INSYN2B: variants seen among roughly 807,000 people sequenced by gnomAD.
INSYN2B encodes inhibitory synaptic factor family member 2B.
Under a neutral mutation model 41.2 loss-of-function variants are expected in INSYN2B, and 16 were observed. The observed-to-expected ratio is 0.39, with a 90% CI of 0.26 to 0.59. The LOEUF is 0.59. INSYN2B is among the 20% of genes least tolerant of loss of function. INSYN2B has a pLI of 0.57. For synonymous variants in INSYN2B, 245 were observed against 244.4 expected (o/e 1.00, Z -0.02); for missense variants, 608 against 646.4 (o/e 0.94, Z 0.64).
At chr5:169,874,437 T>TTGG (rs1772186861) in intron 3 of INSYN2B, among the ~76,000 whole-genome samples, 1 of 133,310 alleles carries the variant, frequency 7.5e-6, no homozygotes, top group South Asian at 2.4e-4. Flanking sequence ...AAAAAAGCAA[T>TTGG]TGGTGGTCTG....
At chr5:169,908,735 G>A (rs1317270588) in intron 1 of INSYN2B, among the ~76,000 whole-genome samples, 7 of 102,840 alleles carry the variant, frequency 6.8e-5, no homozygotes, top group Admixed American at 3.9e-4. Flanking sequence ...TTTTTTTTGA[G>A]ACCGAGTCTC....
At chr5:169,866,380 G>T (rs1404488441) in intron 3 of INSYN2B, among the ~76,000 whole-genome samples, 1 of 152,234 alleles carries the variant, frequency 6.6e-6, no homozygotes, top group African/African-American at 2.4e-5. Context: ...TCTTGGGGAA[G>T]TCATTTCCCA....
Position 169,861,387 on chromosome 5 carries a change from C to T in INSYN2B, c.*2886G>A, listed in dbSNP as rs929829661. On this transcript the variant is annotated 3_prime_UTR_variant, in exon 4 of 4. Coordinates refer to ENST00000377365, the MANE Select transcript of INSYN2B (RefSeq NM_001129891.3). ...AAATTTACAAAACCTTACATCAGTACATCGTCTTTAAGAAGGTGCTCTATA... is the reference window on the plus strand; with the variant it reads ...AAATTTACAAAACCTTACATCAGTATATCGTCTTTAAGAAGGTGCTCTATA... Among the ~76,000 whole-genome samples the T allele has an allele frequency of 6.6e-6, 1 of 152,186 alleles. No individual in the cohort carries two copies. Among genetic ancestry groups the T allele is most frequent in the African/African-American group, 2.4e-5 (1 of 41,444 alleles).
intron 1 of INSYN2B, among the ~76,000 whole-genome samples, chr5:169,951,033 C>T (rs1776642395): frequency 6.6e-6 from 1 of 152,240 alleles, no homozygotes; most frequent in Admixed American, 6.5e-5. Flanking sequence ...TAGCCAGCGT[C>T]ACCGGTCCTG....
chr5:169,906,464 A>T (rs1226865053), intron 1 of INSYN2B, among the ~76,000 whole-genome samples: 1 of 152,056 alleles, frequency 6.6e-6, no homozygotes, highest in Non-Finnish European at 1.5e-5. Context: ...TTAGATTTTT[A>T]AAATTTATTT....
rs1042332901 is a variant in INSYN2B, at chr5:169,883,629, C to T, written c.270G>A (p.Gly90=). 3.9e-6 allele frequency: 6 copies of T among 1,551,454 alleles called. No homozygotes were observed. The highest frequency in any genetic ancestry group is 5.2e-6 in the Non-Finnish European group (6 of 1,146,850). ...TTTGGATTGCAATGTTGCGAAAGCC[C>T]CCTGCCTTCTGGGACCTGGGGAAGG... ...SLSFPRSQKA[G]GFRNIAIQTS... is the part of the protein sequence containing the mutation. The change falls in exon 2 of 4, where the codon GGG becomes GGA. Residue 90 remains glycine, a synonymous_variant. Transcript: ENST00000377365.
chr5:169,939,567 T>A (rs1488799785), intron 1 of INSYN2B, among the ~76,000 whole-genome samples: 1 of 152,220 alleles, frequency 6.6e-6, no homozygotes, highest in Non-Finnish European at 1.5e-5. Context: ...TGTGCTGTAC[T>A]TTTATATGAC....
rs1247975943 is a variant in INSYN2B at position 169,980,482 on chromosome 5, TGAAAA to T, written c.-1129_-1125del. ...AACAAACTGCTCGGCAGCTACCATG[TGAAAA>T]GAAAAGACCTCTAGTGGCCACAGGC... On this transcript the variant is annotated 5_prime_UTR_variant, in exon 1 of 4. Coordinates refer to ENST00000377365, the MANE Select transcript of INSYN2B (RefSeq NM_001129891.3). 1 of 151,988 alleles carries T rather than the reference TGAAAA, an allele frequency of 6.6e-6. No individual in the cohort carries two copies. The highest frequency in any genetic ancestry group is 1.9e-4 in the East Asian group (1 of 5,174). 9.4% of individuals were successfully genotyped at this position (151,988 alleles called of 1,614,324 possible). A position where few individuals can be genotyped will look rare whatever the true frequency, so the allele number is the denominator to read the frequency against.
chr5:169,894,059 G>C (rs942919879), intron 1 of INSYN2B, among the ~76,000 whole-genome samples: 15 of 152,182 alleles, frequency 9.9e-5, no homozygotes, highest in African/African-American at 3.6e-4. Context: ...ACTAGTCGTT[G>C]TACTAAAAAC....
At chr5:169,892,645 C>T (rs1773363516) in intron 1 of INSYN2B, among the ~76,000 whole-genome samples, 1 of 152,232 alleles carries the variant, frequency 6.6e-6, no homozygotes, top group African/African-American at 2.4e-5. Flanking sequence ...TTGTCACAGA[C>T]ACCCAGGGAG....
Position 169,883,635 on chromosome 5 carries a change from C to G in INSYN2B, c.264G>C (p.Lys88Asn). Residue 88 changes from lysine to asparagine, a missense_variant, in exon 2 of 4, where the codon AAG (lysine) becomes AAC (asparagine). Lys to Asn is a moderately conservative substitution (Grantham distance 94). Transcript: ENST00000377365. The stretch of plus-strand genomic sequence containing the variant: ...TTGCAATGTTGCGAAAGCCCCCTGC[C>G]TTCTGGGACCTGGGGAAGGAGAGCG... Reference protein sequence around the residue: ...TYSLSFPRSQKAGGFRNIAIQ... With the variant: ...TYSLSFPRSQNAGGFRNIAIQ... 1 of 1,551,392 alleles carries G rather than the reference C, an allele frequency of 6.4e-7. No homozygotes were observed. Among genetic ancestry groups the G allele is most frequent in the Non-Finnish European group, 8.7e-7 (1 of 1,146,834 alleles).
At position 169,887,752 on chromosome 5, in the gene INSYN2B, T is replaced by A. The variant is rs192902690; in HGVS notation, c.-918-2936A>T. On this transcript the variant is annotated intron_variant, in intron 1 of 3. Transcript: ENST00000377365. ...TTGAAATAAATGCCTAGAAGAAGAA[T>A]TAGTGAGTCAAAGTAGCTGTGCATT... 3.3e-5 allele frequency among the ~76,000 whole-genome samples: 5 copies of A among 152,308 alleles called. No individual in the cohort carries two copies. In the East Asian group the frequency reaches 9.6e-4, roughly 29 times the overall value.
chr5:169,901,279 C>T (rs1773909484), intron 1 of INSYN2B, among the ~76,000 whole-genome samples: 1 of 152,126 alleles, frequency 6.6e-6, no homozygotes, highest in Admixed American at 6.5e-5. Flanking sequence ...AAAGGAAAGG[C>T]CAGCTTGGAT....
At chr5:169,869,658 C>T (rs984818071) in intron 3 of INSYN2B, among the ~76,000 whole-genome samples, 3 of 152,154 alleles carry the variant, frequency 2.0e-5, no homozygotes, top group African/African-American at 7.2e-5. Context: ...TTAGCTACTA[C>T]ACCATGCTTA....
chr5:169,908,713 C>CTTTTTTTTTTTTTTTTT (rs34261104), intron 1 of INSYN2B, among the ~76,000 whole-genome samples: 1 of 105,074 alleles, frequency 9.5e-6, no homozygotes. Context: ...TTTCTTTTTT[C>CTTTTTTTTTTTTTTTTT]TTTTTTTTTT....
chr5:169,885,359 A>G (rs1430144687), intron 1 of INSYN2B, among the ~76,000 whole-genome samples: 3 of 152,190 alleles, frequency 2.0e-5, no homozygotes, highest in Non-Finnish European at 4.4e-5. Flanking sequence ...TTTGTTGAAA[A>G]AGTGGATGGT....
intron 1 of INSYN2B, among the ~76,000 whole-genome samples, chr5:169,909,871 A>C (rs1774497488): frequency 6.6e-6 from 1 of 152,202 alleles, no homozygotes; most frequent in Non-Finnish European, 1.5e-5. Flanking sequence ...CTTTATGGTG[A>C]ATATCACTGA....
chr5:169,881,291 T>C, intron 3 of INSYN2B, 77 bp downstream of exon 3: 1 of 1,248,158 alleles, frequency 8.0e-7, no homozygotes, highest in African/African-American at 1.5e-5. Flanking sequence ...CTTTTTGCAT[T>C]TAAAAGTTTG....
Position 169,927,759 on chromosome 5 carries a change from G to A in INSYN2B, c.-918-42943C>T, listed in dbSNP as rs1775540128. On this transcript the variant is annotated intron_variant, in intron 1 of 3. Transcript: ENST00000377365. ...AGCCTCCCGAGTAGCTGGGACTACAGGCGCCCGCCACCACGCCTGGCTAAT... is the reference window on the plus strand; with the variant it reads ...AGCCTCCCGAGTAGCTGGGACTACAAGCGCCCGCCACCACGCCTGGCTAAT... 2.6e-5 allele frequency among the ~76,000 whole-genome samples: 4 copies of A among 152,306 alleles called. No individual in the cohort carries two copies. In the South Asian group the frequency reaches 8.3e-4, roughly 32 times the overall value.
Sources: allele counts gnomAD v4.1 joint callset (sites outside exome capture counted in the v4.1 genomes callset), GRCh38; gene constraint gnomAD v4.1.1; transcripts MANE v1.5; gene names NCBI Gene and HGNC (gene_info 2026-07-23, HGNC 2026-07-21).